The following AK9 variants were observed in gnomAD, a reference collection of about 807,000 sequenced individuals.
The protein encoded by AK9 is adenylate kinase domain containing 1.
Under a neutral mutation model 239.6 loss-of-function variants are expected in AK9, and 191 were observed. That is an observed-to-expected ratio of 0.80 (90% confidence interval 0.71 to 0.90). The LOEUF (loss-of-function observed/expected upper bound fraction) is 0.90, where lower values mean the gene tolerates loss of function less well. Among genes scored for constraint, AK9 ranks in the 40% least tolerant of loss-of-function variants. The pLI, the probability that AK9 is intolerant of heterozygous loss-of-function variation, is 0.00. For synonymous variants in AK9, 689 were observed against 721.0 expected (o/e 0.96, Z 0.71); for missense variants, 1,995 against 2,214.7 (o/e 0.90, Z 1.99).
At chr6:109,537,481 T>G (rs1782186684) in intron 27 of AK9, among the ~76,000 whole-genome samples, 1 of 140,536 alleles carries the variant, frequency 7.1e-6, no homozygotes, top group South Asian at 2.2e-4. Flanking sequence ...TGCATCTATT[T>G]GATTCTTCTC....
Position 109,497,596 on chromosome 6 carries a change from T to C in AK9, c.5217-33A>G, listed in dbSNP as rs553993589. The C allele has an allele frequency of 4.3e-5, 63 of 1,463,448 alleles. 1 individual carries two copies. The South Asian group carries it at 6.4e-4, about 15-fold the overall frequency. 90.7% of individuals were successfully genotyped at this position (1,463,448 alleles called of 1,614,324 possible). Reference sequence around the variant, plus strand: ...ACCAAAAAACAAAACAAAACCTCTATTGTATAATTAATATGCAGTCCTGTG... The same window carrying C: ...ACCAAAAAACAAAACAAAACCTCTACTGTATAATTAATATGCAGTCCTGTG... On this transcript the variant is annotated intron_variant, in intron 37 of 40. Coordinates refer to ENST00000424296, the MANE Select transcript of AK9 (RefSeq NM_001145128.3).
intron 12 of AK9, among the ~76,000 whole-genome samples, chr6:109,629,574 A>G (rs961472204): frequency 4.6e-5 from 7 of 152,130 alleles, no homozygotes; most frequent in African/African-American, 1.7e-4. Context: ...TTTCCTGAAT[A>G]TTATAAATTT....
intron 12 of AK9, chr6:109,632,209 G>A (rs1214830849): frequency 4.1e-5 from 40 of 985,398 alleles, no homozygotes; most frequent in Middle Eastern, 5.2e-4. Flanking sequence ...ATGATACTCC[G>A]GCGCTTAAAA....
chr6:109,549,657 A>ATTTTTTTTTTTTTTTTTTT (rs1491473032), intron 25 of AK9: 6 of 122,348 alleles, frequency 4.9e-5, no homozygotes, highest in East Asian at 3.3e-4. Context: ...TTGAACTTAG[A>ATTTTTTTTTTTTTTTTTTT]TATTTTCTTT....
chr6:109,619,295 A>G (rs10499053), intron 12 of AK9, 59 bp from the exon 13 acceptor site: 483,857 of 1,462,330 alleles, frequency 0.33, 81,670 homozygotes, highest in East Asian at 0.43. Context: ...TATTAAACAC[A>G]TTGTTCATCT....
chr6:109,576,108 T>C (rs1287271457), intron 20 of AK9, among the ~76,000 whole-genome samples: 1 of 152,198 alleles, frequency 6.6e-6, no homozygotes, highest in African/African-American at 2.4e-5. Flanking sequence ...GGTAATGTGA[T>C]GCCTATAGAT....
chr6:109,638,332 C>G (rs1796969119), intron 10 of AK9, among the ~76,000 whole-genome samples: 1 of 152,180 alleles, frequency 6.6e-6, no homozygotes, highest in Admixed American at 6.5e-5. Flanking sequence ...AGCACCAGTT[C>G]ATATTGCAGG....
chr6:109,667,774 T>G (rs915454848), intron 5 of AK9, among the ~76,000 whole-genome samples: 7 of 152,224 alleles, frequency 4.6e-5, no homozygotes, highest in Non-Finnish European at 8.8e-5. Context: ...GATGTATATG[T>G]GCCACATTTT....
intron 12 of AK9, among the ~76,000 whole-genome samples, chr6:109,622,576 A>G (rs1490590647): frequency 6.8e-6 from 1 of 146,070 alleles, no homozygotes; most frequent in Non-Finnish European, 1.5e-5. Flanking sequence ...TTAATATAAT[A>G]TATGCATAGT....
At chr6:109,593,492 G>C in intron 17 of AK9, among the ~76,000 whole-genome samples, 1 of 152,026 alleles carries the variant, frequency 6.6e-6, no homozygotes, top group East Asian at 1.9e-4. Context: ...GAAAAAGAGG[G>C]ACTCCTTCCT....
At chr6:109,554,038 C>A (rs1784668865) in intron 24 of AK9, among the ~76,000 whole-genome samples, 1 of 152,084 alleles carries the variant, frequency 6.6e-6, no homozygotes, top group African/African-American at 2.4e-5. Flanking sequence ...GCCTTGCATC[C>A]CAGGGATGAA....
At chr6:109,673,205 TTGTG>T (rs1279728222) in intron 3 of AK9, among the ~76,000 whole-genome samples, 5 of 151,264 alleles carry the variant, frequency 3.3e-5, no homozygotes, top group East Asian at 1.9e-4. Flanking sequence ...ACTTTTAGAG[TTGTG>T]TGTGTGTGTG....
In AK9 at chr6:109,614,371, A is replaced by G. The variant is rs1004243259; in HGVS notation, c.1495+14T>C. On this transcript the variant is annotated intron_variant, in intron 14 of 40. Coordinates refer to ENST00000424296, the MANE Select transcript of AK9 (RefSeq NM_001145128.3). ...GATGATTTGGTCAATAACATCAGCA[A>G]TATATTTCTTTACCTTCTTCATCAA... 1.9e-6 allele frequency: 3 copies of G among 1,549,958 alleles called. No individual in the cohort carries two copies. The African/African-American group carries it at 4.1e-5, about 21-fold the overall frequency.
chr6:109,561,930 T>C (rs1341340868), intron 24 of AK9, among the ~76,000 whole-genome samples: 2 of 152,160 alleles, frequency 1.3e-5, no homozygotes, highest in Non-Finnish European at 2.9e-5. Flanking sequence ...ACATACTTTT[T>C]GTAGATCTGA....
chr6:109,597,020 T>C (rs1203068522), intron 17 of AK9, among the ~76,000 whole-genome samples: 2 of 152,212 alleles, frequency 1.3e-5, no homozygotes, highest in African/African-American at 2.4e-5. Context: ...TTTGTAATTT[T>C]ATTATAACAC....
chr6:109,595,828 A>C (rs61671496), intron 17 of AK9, among the ~76,000 whole-genome samples: 4,354 of 152,206 alleles, frequency 0.029, 95 homozygotes, highest in East Asian at 0.11. Flanking sequence ...AGGGAGGGGA[A>C]CATCACACAC....
At chr6:109,613,091 C>T (rs1321426921) in intron 15 of AK9, among the ~76,000 whole-genome samples, 3 of 150,426 alleles carry the variant, frequency 2.0e-5, no homozygotes, top group South Asian at 2.1e-4. Context: ...AATAATCTAT[C>T]CTCTCAGACA....
At chr6:109,661,184 C>A (rs1430050604) in intron 6 of AK9, among the ~76,000 whole-genome samples, 1 of 152,126 alleles carries the variant, frequency 6.6e-6, no homozygotes, top group Non-Finnish European at 1.5e-5. Flanking sequence ...TCTGGTTACC[C>A]TGTAGAAACT....
intron 17 of AK9, among the ~76,000 whole-genome samples, chr6:109,598,644 G>T (rs1481162297): frequency 6.6e-6 from 1 of 152,084 alleles, no homozygotes. Flanking sequence ...CTGAGGAATC[G>T]CCACACTGTC....
Sources: allele counts gnomAD v4.1 joint callset (sites outside exome capture counted in the v4.1 genomes callset), GRCh38; gene constraint gnomAD v4.1.1; transcripts MANE v1.5; gene names NCBI Gene and HGNC (gene_info 2026-07-23, HGNC 2026-07-21).